Variants in PDE11A observed in about 807,000 individuals in gnomAD.
PDE11A encodes phosphodiesterase 11A, also known as dual 3',5'-cyclic-AMP and -GMP phosphodiesterase 11A.
In PDE11A, 100 loss-of-function variants were observed where a neutral mutation model predicts 100.5. The ratio of observed to expected loss-of-function variants is 1.00; its 90% CI spans 0.85 to 1.18. PDE11A has a LOEUF of 1.18. Among genes scored for constraint, PDE11A ranks in the 50% most tolerant of loss-of-function variants. PDE11A has a pLI of 0.00. For missense variants in PDE11A, 1,141 were observed against 1,152.6 expected (o/e 0.99, Z 0.15); for synonymous variants, 381 against 420.8 (o/e 0.91, Z 1.16).
At chr2:177,814,955 T>C (rs1558951730) in intron 9 of PDE11A, among the ~76,000 whole-genome samples, 1 of 152,176 alleles carries the variant, frequency 6.6e-6, no homozygotes, top group Non-Finnish European at 1.5e-5. Context: ...AGGACGACGA[T>C]GTGCCAGAGG....
intron 2 of PDE11A, among the ~76,000 whole-genome samples, chr2:177,989,556 A>C (rs973076533): frequency 6.6e-6 from 1 of 152,228 alleles, no homozygotes. Context: ...CCTAACAGTT[A>C]TACTTATGTG....
At chr2:177,998,613 A>G (rs1281032670) in intron 2 of PDE11A, 2 of 1,297,006 alleles carry the variant, frequency 1.5e-6, no homozygotes, top group Admixed American at 1.7e-5. Flanking sequence ...AAAATGCTTA[A>G]AGAATTTCAG....
intron 2 of PDE11A, among the ~76,000 whole-genome samples, chr2:177,961,023 G>A (rs756036449): frequency 2.0e-5 from 3 of 152,130 alleles, no homozygotes; most frequent in Admixed American, 6.5e-5. Context: ...TGATCCAGAC[G>A]GCTTTTCAGA....
At chr2:177,949,518 G>T (rs1056628534) in intron 2 of PDE11A, among the ~76,000 whole-genome samples, 15 of 152,146 alleles carry the variant, frequency 9.9e-5, no homozygotes, top group Admixed American at 6.5e-4. Flanking sequence ...GAGCCAGGGG[G>T]AATTCAGAGC....
At chr2:177,771,873 G>A (rs557271695) in intron 9 of PDE11A, among the ~76,000 whole-genome samples, 1 of 151,958 alleles carries the variant, frequency 6.6e-6, no homozygotes, top group African/African-American at 2.4e-5. Flanking sequence ...ATGATGATGG[G>A]TGCCTGTAAT....
At chr2:177,968,046 C>A (rs1208067743) in intron 2 of PDE11A, among the ~76,000 whole-genome samples, 1 of 152,140 alleles carries the variant, frequency 6.6e-6, no homozygotes, top group Non-Finnish European at 1.5e-5. Flanking sequence ...ATTTCAATAT[C>A]CATGCTTTTA....
chr2:177,727,328 G>A (rs2081614693), intron 12 of PDE11A, among the ~76,000 whole-genome samples: 1 of 152,090 alleles, frequency 6.6e-6, no homozygotes, highest in African/African-American at 2.4e-5. Context: ...TGATCTCTTT[G>A]TTCTGTTACT....
At chr2:177,998,153 CTG>C in intron 2 of PDE11A, 1 of 1,014,266 alleles carries the variant, frequency 9.9e-7, no homozygotes, top group South Asian at 1.3e-5. Context: ...CTTCCACTTA[CTG>C]TCTGTAAGCT....
At chr2:177,999,116 G>T (rs12621562) in intron 2 of PDE11A, among the ~76,000 whole-genome samples, 76,789 of 152,028 alleles carry the variant, frequency 0.51, 20,163 homozygotes, top group East Asian at 0.71. Context: ...GTTAAGCCGA[G>T]ACTTAAAAAT....
chr2:177,903,544 T>C (rs2084731402), intron 3 of PDE11A, among the ~76,000 whole-genome samples: 1 of 152,222 alleles, frequency 6.6e-6, no homozygotes, highest in African/African-American at 2.4e-5. Context: ...AATTGTGCCA[T>C]ACACAAGAAT....
chr2:178,039,361 G>A (rs2086655898), intron 1 of PDE11A, among the ~76,000 whole-genome samples: 1 of 152,104 alleles, frequency 6.6e-6, no homozygotes, highest in Admixed American at 6.6e-5. Flanking sequence ...GGGAACAACA[G>A]ACATTGGGGT....
At chr2:177,762,682 G>A (rs2082185589) in intron 10 of PDE11A, among the ~76,000 whole-genome samples, 1 of 152,014 alleles carries the variant, frequency 6.6e-6, no homozygotes, top group African/African-American at 2.4e-5. Context: ...ACATGGGGGA[G>A]GGAGAAGGTG....
At chr2:177,992,071 C>G (rs972710134) in intron 2 of PDE11A, among the ~76,000 whole-genome samples, 1 of 151,256 alleles carries the variant, frequency 6.6e-6, no homozygotes, top group African/African-American at 2.4e-5. Flanking sequence ...TAATATATTA[C>G]TGCTTTTTTT....
chr2:178,026,879 A>C (rs2086485589), intron 1 of PDE11A, among the ~76,000 whole-genome samples: 1 of 152,134 alleles, frequency 6.6e-6, no homozygotes. Context: ...CCTATCTCAC[A>C]TCAGACATCA....
At chr2:177,996,883 A>G (rs902631223) in intron 2 of PDE11A, among the ~76,000 whole-genome samples, 1 of 152,246 alleles carries the variant, frequency 6.6e-6, no homozygotes, top group Non-Finnish European at 1.5e-5. Context: ...ACATTTTAGA[A>G]TGAACAGCTC....
chr2:177,767,668 A>G (rs910946981), intron 10 of PDE11A, among the ~76,000 whole-genome samples: 1 of 152,078 alleles, frequency 6.6e-6, no homozygotes, highest in African/African-American at 2.4e-5. Context: ...AATATATAAA[A>G]TAATTATATA....
intron 10 of PDE11A, among the ~76,000 whole-genome samples, chr2:177,766,822 A>G (rs1212759605): frequency 6.6e-6 from 1 of 152,240 alleles, no homozygotes; most frequent in Non-Finnish European, 1.5e-5. Context: ...TTACATTGTA[A>G]TAGGATACTA....
At position 177,762,663 on chromosome 2, in the gene PDE11A, G is replaced by T. The variant is rs564245346; in HGVS notation, c.1788+6660C>A. ...ACACTTAGGGAATGCAGTGAATTCTGCTGTGCTAACATGGGGGAGGGAGAA... is the reference window on the plus strand; with the variant it reads ...ACACTTAGGGAATGCAGTGAATTCTTCTGTGCTAACATGGGGGAGGGAGAA... On this transcript the variant is annotated intron_variant, in intron 10 of 19. Coordinates refer to ENST00000286063, the MANE Select transcript of PDE11A (RefSeq NM_016953.4). Among the ~76,000 whole-genome samples the T allele has an allele frequency of 3.3e-5, 5 of 152,200 alleles. No individual in the cohort carries two copies. In the South Asian group the frequency reaches 1.0e-3, roughly 32 times the overall value.
At chr2:177,959,738 G>A (rs191435208) in intron 2 of PDE11A, among the ~76,000 whole-genome samples, 20 of 152,200 alleles carry the variant, frequency 1.3e-4, no homozygotes, top group African/African-American at 4.3e-4. Context: ...TATATCAATC[G>A]GATATCCAAA....
Sources: gnomAD v4.1 joint callset for allele counts (sites outside exome capture counted in the v4.1 genomes callset) on GRCh38, gnomAD v4.1.1 for gene constraint, MANE v1.5 for transcripts, NCBI Gene and HGNC (gene_info 2026-07-23, HGNC 2026-07-21) for gene names.